The following CHRM3 variants were observed in gnomAD, a reference collection of about 807,000 sequenced individuals.
The protein encoded by CHRM3 is muscarinic acetylcholine receptor M3.
In CHRM3, 11 loss-of-function variants were observed where a neutral mutation model predicts 41.8. That is an observed-to-expected ratio of 0.26 (90% CI 0.17 to 0.44). The LOEUF is 0.44. Ranked by LOEUF, CHRM3 falls within the 20% of genes least tolerant of loss-of-function variation. The pLI, the probability that CHRM3 is intolerant of heterozygous loss-of-function variation, is 1.00. For missense variants in CHRM3, 571 were observed against 745.4 expected (o/e 0.77, Z 2.72); for synonymous variants, 297 against 301.4 (o/e 0.99, Z 0.15).
chr1:239,561,232 C>A lies in CHRM3; in HGVS notation c.-313+15483C>A, dbSNP rs1287004976. On this transcript the variant is annotated intron_variant, in intron 3 of 6. Transcript: ENST00000676153. ...TTCAGTTAATGTCACATGACATTAA[C>A]GTAACATAACACTCCTTTGCTTAAA... Among the ~76,000 whole-genome samples, 3 of 152,146 alleles carry A rather than the reference C, an allele frequency of 2.0e-5. No homozygotes were observed. The East Asian group carries it at 5.8e-4, about 29-fold the overall frequency.
chr1:239,701,532 C>A (rs769618088), intron 5 of CHRM3, among the ~76,000 whole-genome samples: 2 of 152,200 alleles, frequency 1.3e-5, no homozygotes, highest in African/African-American at 2.4e-5. Context: ...AGCTGTCCCT[C>A]ATCAAATTAG....
intron 6 of CHRM3, among the ~76,000 whole-genome samples, chr1:239,846,021 C>G (rs1220489814): frequency 6.6e-6 from 1 of 152,000 alleles, no homozygotes; most frequent in East Asian, 1.9e-4. Flanking sequence ...AAAGCTTCAA[C>G]TGTTGAAGAA....
chr1:239,712,211 A>G (rs1661876903), intron 5 of CHRM3, among the ~76,000 whole-genome samples: 2 of 152,138 alleles, frequency 1.3e-5, no homozygotes, highest in Non-Finnish European at 2.9e-5. Context: ...TAATTGTCCC[A>G]GTTATCTTGG....
intron 5 of CHRM3, among the ~76,000 whole-genome samples, chr1:239,778,492 A>C (rs1668273712): frequency 6.6e-6 from 1 of 152,176 alleles, no homozygotes; most frequent in Non-Finnish European, 1.5e-5. Context: ...TTTTGATGTT[A>C]TAGACTTCCA....
chr1:239,781,353 G>T (rs1384002130), intron 5 of CHRM3, among the ~76,000 whole-genome samples: 1 of 151,996 alleles, frequency 6.6e-6, no homozygotes, highest in Admixed American at 6.5e-5. Flanking sequence ...ACCTATTTGG[G>T]GGAAATTAAC....
chr1:239,770,784 A>G (rs1413753996), intron 5 of CHRM3, among the ~76,000 whole-genome samples: 1 of 152,146 alleles, frequency 6.6e-6, no homozygotes, highest in African/African-American at 2.4e-5. Context: ...GAAAGTACCC[A>G]AGTGAGTTTT....
At chr1:239,502,588 G>A (rs562001228) in intron 2 of CHRM3, among the ~76,000 whole-genome samples, 5 of 152,262 alleles carry the variant, frequency 3.3e-5, no homozygotes, top group South Asian at 2.1e-4. Context: ...ATTCTGTGAA[G>A]CCAGTATCAC....
intron 1 of CHRM3, among the ~76,000 whole-genome samples, chr1:239,446,019 C>G (rs1426459181): frequency 6.6e-6 from 1 of 151,970 alleles, no homozygotes. Flanking sequence ...CTCACTGCAG[C>G]CTCTGCCTCC....
At chr1:239,809,368 C>T (rs1224451302) in intron 5 of CHRM3, among the ~76,000 whole-genome samples, 1 of 152,004 alleles carries the variant, frequency 6.6e-6, no homozygotes, top group Non-Finnish European at 1.5e-5. Flanking sequence ...AACTTCTGAA[C>T]CCATAAGATT....
At chr1:239,411,893 C>T (rs1661101677) in intron 1 of CHRM3, among the ~76,000 whole-genome samples, 1 of 151,862 alleles carries the variant, frequency 6.6e-6, no homozygotes, top group Non-Finnish European at 1.5e-5. Context: ...TGAGAGGCAA[C>T]CACATTCAGA....
At chr1:239,863,549 A>T (rs1275129901) in intron 6 of CHRM3, among the ~76,000 whole-genome samples, 2 of 152,210 alleles carry the variant, frequency 1.3e-5, no homozygotes, top group African/African-American at 4.8e-5. Context: ...ATCAGCAGAC[A>T]CCAGGGTAAC....
intron 1 of CHRM3, among the ~76,000 whole-genome samples, chr1:239,401,742 C>T (rs1572167076): frequency 6.6e-6 from 1 of 152,152 alleles, no homozygotes; most frequent in South Asian, 2.1e-4. Context: ...ATCCACCCTC[C>T]TTGGCCTCCC....
At chr1:239,427,917 A>G (rs1304972576) in intron 1 of CHRM3, among the ~76,000 whole-genome samples, 1 of 152,192 alleles carries the variant, frequency 6.6e-6, no homozygotes, top group Non-Finnish European at 1.5e-5. Flanking sequence ...CCAGCAAAGT[A>G]GCCATTTATA....
chr1:239,603,905 C>A (rs973256542), intron 3 of CHRM3, among the ~76,000 whole-genome samples: 13 of 152,018 alleles, frequency 8.6e-5, no homozygotes, highest in African/African-American at 2.4e-4. Flanking sequence ...TTGAAGATAG[C>A]AAATTATGGT....
chr1:239,703,418 TG>T (rs1277345310), intron 5 of CHRM3: 2 of 152,188 alleles, frequency 1.3e-5, no homozygotes, highest in East Asian at 3.8e-4. Flanking sequence ...AGGAGAAGCG[TG>T]GGAAATGACT....
intron 1 of CHRM3, among the ~76,000 whole-genome samples, chr1:239,478,648 A>G (rs1178393232): frequency 1.3e-5 from 2 of 152,216 alleles, no homozygotes; most frequent in Admixed American, 1.3e-4. Flanking sequence ...CCATAAATTT[A>G]ATAGTGGAAT....
At chr1:239,432,454 G>C (rs769042762) in intron 1 of CHRM3, among the ~76,000 whole-genome samples, 12 of 152,088 alleles carry the variant, frequency 7.9e-5, no homozygotes, top group Non-Finnish European at 1.3e-4. Context: ...TACTTAATTA[G>C]ATACCAGTGT....
intron 5 of CHRM3, chr1:239,704,898 A>T (rs1326433401): frequency 6.6e-6 from 1 of 152,180 alleles, no homozygotes; most frequent in Non-Finnish European, 1.5e-5. Context: ...AAGACACTCC[A>T]AATTAAAGAA....
chr1:239,861,563 T>C (rs1031599425), intron 6 of CHRM3, among the ~76,000 whole-genome samples: 1 of 152,148 alleles, frequency 6.6e-6, no homozygotes, highest in Admixed American at 6.5e-5. Flanking sequence ...AGTCAACTCA[T>C]GCAGGGTCAC....
Sources: gnomAD v4.1 joint callset for allele counts (sites outside exome capture counted in the v4.1 genomes callset) on GRCh38, gnomAD v4.1.1 for gene constraint, MANE v1.5 for transcripts, NCBI Gene and HGNC (gene_info 2026-07-23, HGNC 2026-07-21) for gene names.